FHL2: variants seen among roughly 807,000 people sequenced by gnomAD.
FHL2 encodes four and a half LIM domains protein 2.
A neutral mutation model predicts 32.7 loss-of-function variants in FHL2; 20 were observed. The ratio of observed to expected loss-of-function variants is 0.61; its 90% CI spans 0.43 to 0.89. The LOEUF (loss-of-function observed/expected upper bound fraction) is 0.89. Among genes scored for constraint, FHL2 ranks in the 40% least tolerant of loss-of-function variants. The pLI is 0.00. For missense variants in FHL2, 311 were observed against 358.6 expected, an observed-to-expected ratio of 0.87 and a Z score of 1.07; for synonymous variants, 123 against 128.1, an observed-to-expected ratio of 0.96 and a Z score of 0.27.
chr2:105,405,248 T>C (rs1334948453), intron 1 of FHL2, among the ~76,000 whole-genome samples: 3 of 152,224 alleles, frequency 2.0e-5, no homozygotes. Context: ...TGTCAATGAT[T>C]CCAAAATCCA....
chr2:105,359,114 T>A (rs991801283), downstream of FHL2: 1 of 152,222 alleles, frequency 6.6e-6, no homozygotes, highest in African/African-American at 2.4e-5. Context: ...TTCTTAACAA[T>A]TAAATAAATA....
chr2:105,360,301 CA>C (rs878876756), downstream of FHL2: 36,403 of 100,878 alleles, frequency 0.36, 4,757 homozygotes, highest in South Asian at 0.41. Flanking sequence ...GACTCTGTCT[CA>C]AAAAAAAAAA....
At chr2:105,382,695 T>G (rs943808149) in intron 3 of FHL2, among the ~76,000 whole-genome samples, 7 of 149,132 alleles carry the variant, frequency 4.7e-5, no homozygotes, top group African/African-American at 1.8e-4. Context: ...TGTTTATTAT[T>G]TTTTTTTTCT....
intron 3 of FHL2, among the ~76,000 whole-genome samples, chr2:105,380,837 G>A (rs1381184804): frequency 6.6e-6 from 1 of 152,192 alleles, no homozygotes; most frequent in East Asian, 1.9e-4. Flanking sequence ...GGCTAATCTT[G>A]TGCTCACAGA....
intron 3 of FHL2, chr2:105,375,287 T>TGA (rs1339869422): frequency 6.6e-6 from 1 of 152,230 alleles, no homozygotes; most frequent in Non-Finnish European, 1.5e-5. Context: ...ATGTGAACGC[T>TGA]GAGACACTTT....
chr2:105,380,741 T>C (rs1681830474), intron 3 of FHL2, among the ~76,000 whole-genome samples: 1 of 152,062 alleles, frequency 6.6e-6, no homozygotes, highest in South Asian at 2.1e-4. Flanking sequence ...GATGGAAATA[T>C]CCGGTTTTAA....
At chr2:105,402,100 T>TAC (rs1683488148), upstream of FHL2, among the ~76,000 whole-genome samples, 1 of 149,028 alleles carries the variant, frequency 6.7e-6, no homozygotes, top group Non-Finnish European at 1.5e-5. Flanking sequence ...TATACGTGTA[T>TAC]ATATACACGT....
intron 6 of FHL2, among the ~76,000 whole-genome samples, chr2:105,362,874 T>A (rs1198922524): frequency 6.6e-6 from 1 of 152,196 alleles, no homozygotes; most frequent in Non-Finnish European, 1.5e-5. Flanking sequence ...GTGGTAGAAG[T>A]TTCCCATTAA....
intron 5 of FHL2, among the ~76,000 whole-genome samples, chr2:105,363,923 A>G (rs1680458526): frequency 6.6e-6 from 1 of 152,150 alleles, no homozygotes; most frequent in Non-Finnish European, 1.5e-5. Flanking sequence ...CCAGGAAGTG[A>G]GGGTGATGAG....
At chr2:105,426,144 T>C (rs977345344) in intron 1 of FHL2, among the ~76,000 whole-genome samples, 4 of 152,112 alleles carry the variant, frequency 2.6e-5, no homozygotes, top group African/African-American at 7.2e-5. Context: ...CTTTCTATCT[T>C]GCATGCAAGC....
chr2:105,368,230 G>A (rs1680777527), intron 4 of FHL2, among the ~76,000 whole-genome samples: 2 of 152,212 alleles, frequency 1.3e-5, no homozygotes. Flanking sequence ...TCAGTGAGCA[G>A]CCTCTACAAC....
At position 105,396,611 on chromosome 2, in the gene FHL2, C is replaced by G. The variant is rs763114238; in HGVS notation, c.-25+36G>C. On this transcript the variant is annotated intron_variant, in intron 2 of 6. Transcript: ENST00000530340. Reference sequence around the variant, plus strand: ...TCACAGTAGCTAAAACTGAAATCCACAATTTAGGATAACAGAGGAAATTCA... The same window carrying G: ...TCACAGTAGCTAAAACTGAAATCCAGAATTTAGGATAACAGAGGAAATTCA... The G allele has an allele frequency of 1.9e-4, 310 of 1,595,498 alleles. 1 individual carries two copies. The highest frequency in any genetic ancestry group is 1.5e-3 in the Middle Eastern group (9 of 6,024).
Position 105,396,629 on chromosome 2 carries a change from G to T in FHL2, c.-25+18C>A. The T allele has an allele frequency of 6.2e-7, 1 of 1,610,158 alleles. No homozygotes were observed. The highest frequency in any genetic ancestry group is 8.5e-7 in the Non-Finnish European group (1 of 1,177,598). Reference sequence around the variant, plus strand: ...AAATCCACAATTTAGGATAACAGAGGAAATTCACTTGACTCACCCCAAAGT... The same window carrying T: ...AAATCCACAATTTAGGATAACAGAGTAAATTCACTTGACTCACCCCAAAGT... On this transcript the variant is annotated intron_variant, in intron 2 of 6. Transcript: ENST00000530340.
At chr2:105,437,706 C>T (rs1328957247) in intron 1 of FHL2, among the ~76,000 whole-genome samples, 1 of 152,098 alleles carries the variant, frequency 6.6e-6, no homozygotes, top group Non-Finnish European at 1.5e-5. Context: ...TGTCTATTAT[C>T]ATATATATGG....
chr2:105,361,138 T>G lies in FHL2; in HGVS notation c.*145A>C. On this transcript the variant is annotated 3_prime_UTR_variant, in exon 7 of 7. Transcript: ENST00000530340. ...AACTATCACAAAGCACTAAAGGGTT[T>G]AAGCAAACGTGAGTATCACTGAAAA... The G allele has an allele frequency of 1.2e-6, 1 of 804,312 alleles. No individual in the cohort carries two copies. The highest frequency in any genetic ancestry group is 1.8e-5 in the South Asian group (1 of 55,550). 49.8% of individuals were successfully genotyped at this position (804,312 alleles called of 1,614,324 possible). A position where few individuals can be genotyped will look rare whatever the true frequency, so the allele number is the denominator to read the frequency against.
intron 1 of FHL2, among the ~76,000 whole-genome samples, chr2:105,420,976 A>G (rs1684086268): frequency 1.3e-5 from 2 of 152,166 alleles, no homozygotes; most frequent in South Asian, 4.1e-4. Flanking sequence ...AACTAGTGGG[A>G]CAAGTTTTAG....
chr2:105,420,425 A>G (rs1036281430), intron 1 of FHL2, among the ~76,000 whole-genome samples: 1 of 151,946 alleles, frequency 6.6e-6, no homozygotes, highest in Non-Finnish European at 1.5e-5. Flanking sequence ...TTAACTAATT[A>G]CTCGGTAACA....
chr2:105,391,279 G>A (rs988714737), intron 2 of FHL2, among the ~76,000 whole-genome samples: 1 of 152,140 alleles, frequency 6.6e-6, no homozygotes, highest in Non-Finnish European at 1.5e-5. Flanking sequence ...GTTATCTAGT[G>A]AGGAAAAGAG....
upstream of FHL2, among the ~76,000 whole-genome samples, chr2:105,402,072 CATGTATATAT>C (rs1683482710): frequency 6.8e-6 from 1 of 147,096 alleles, no homozygotes; most frequent in African/African-American, 2.5e-5. Context: ...TGTACATATA[CATGTATATAT>C]GTGTATATAT....
Sources: gnomAD v4.1 joint callset for allele counts (sites outside exome capture counted in the v4.1 genomes callset) on GRCh38, gnomAD v4.1.1 for gene constraint, MANE v1.5 for transcripts, NCBI Gene and HGNC (gene_info 2026-07-23, HGNC 2026-07-21) for gene names.